Variants in EYA1 observed in about 807,000 individuals in gnomAD.
EYA1 encodes EYA transcriptional coactivator and phosphatase 1.
A neutral mutation model predicts 82.0 loss-of-function variants in EYA1; 16 were observed. That is an observed-to-expected ratio of 0.20 (90% CI 0.13 to 0.30). The LOEUF is 0.30. Among genes scored for constraint, EYA1 ranks in the 10% least tolerant of loss-of-function variants. The pLI is 1.00. For synonymous variants in EYA1, 261 were observed against 264.4 expected, an observed-to-expected ratio of 0.99 and a Z score of 0.12; for missense variants, 633 against 730.7, an observed-to-expected ratio of 0.87 and a Z score of 1.54.
chr8:71,356,468 C>G lies in EYA1; in HGVS notation c.-11G>C, dbSNP rs1826889693. On this transcript the variant is annotated 5_prime_UTR_variant, in exon 2 of 18. Coordinates refer to ENST00000340726, the MANE Select transcript of EYA1 (RefSeq NM_000503.6). ...ATATCAACAATATCCTTACCTGCAA[C>G]TTGAGGAAACAGCAACATCTGAACT... 1.3e-6 allele frequency: 2 copies of G among 1,584,832 alleles called. No individual in the cohort carries two copies. The highest frequency in any genetic ancestry group is 2.7e-5 in the African/African-American group (2 of 74,440).
At chr8:71,374,983 GC>G (rs1180100008) in intron 2 of EYA1, among the ~76,000 whole-genome samples, 1 of 152,086 alleles carries the variant, frequency 6.6e-6, no homozygotes, top group Non-Finnish European at 1.5e-5. Flanking sequence ...GTTACCAGGG[GC>G]AAGGGAGGGG....
At chr8:71,434,597 A>C (rs2129164689) in intron 2 of EYA1, among the ~76,000 whole-genome samples, 1 of 152,332 alleles carries the variant, frequency 6.6e-6, no homozygotes, top group South Asian at 2.1e-4. Flanking sequence ...GTCCTTCAAA[A>C]GTATGGCTGA....
At chr8:71,518,708 A>C (rs758490858) in intron 2 of EYA1, among the ~76,000 whole-genome samples, 1 of 152,218 alleles carries the variant, frequency 6.6e-6, no homozygotes, top group Non-Finnish European at 1.5e-5. Flanking sequence ...AACAAATCAA[A>C]AGAAATAAAA....
intron 3 of EYA1, among the ~76,000 whole-genome samples, chr8:71,345,566 T>A (rs1825603774): frequency 6.6e-6 from 1 of 152,196 alleles, no homozygotes; most frequent in African/African-American, 2.4e-5. Flanking sequence ...ATTGTGATTG[T>A]GTTTTTTTTA....
At chr8:71,251,782 C>A (rs1813773814) in intron 11 of EYA1, among the ~76,000 whole-genome samples, 1 of 152,050 alleles carries the variant, frequency 6.6e-6, no homozygotes. Flanking sequence ...TCATCATGTA[C>A]CCAAATCACC....
At chr8:71,479,383 CT>C (rs1809930347) in intron 2 of EYA1, among the ~76,000 whole-genome samples, 1 of 152,144 alleles carries the variant, frequency 6.6e-6, no homozygotes, top group African/African-American at 2.4e-5. Flanking sequence ...ATTTCCTAGT[CT>C]TCTTACTCTG....
chr8:71,496,132 TAAG>T (rs1452586034), intron 2 of EYA1, among the ~76,000 whole-genome samples: 1 of 152,228 alleles, frequency 6.6e-6, no homozygotes, highest in Admixed American at 6.5e-5. Context: ...GAATGATTTC[TAAG>T]AAGAGGTCAT....
intron 2 of EYA1, among the ~76,000 whole-genome samples, chr8:71,386,497 T>A (rs1377514629): frequency 6.6e-6 from 1 of 152,222 alleles, no homozygotes; most frequent in Non-Finnish European, 1.5e-5. Context: ...AATAATTTTT[T>A]AAACACTGTA....
intron 2 of EYA1, among the ~76,000 whole-genome samples, chr8:71,432,944 T>G (rs1285021678): frequency 6.6e-6 from 1 of 152,192 alleles, no homozygotes; most frequent in Non-Finnish European, 1.5e-5. Context: ...TATATTATTC[T>G]TTACTCTGGA....
chr8:71,535,331 A>G (rs1028062107), intron 2 of EYA1, among the ~76,000 whole-genome samples: 1 of 152,216 alleles, frequency 6.6e-6, no homozygotes. Context: ...CTAAAAACCT[A>G]TTTTGAAGAC....
At chr8:71,455,213 T>G (rs775624157) in intron 2 of EYA1, among the ~76,000 whole-genome samples, 17 of 152,134 alleles carry the variant, frequency 1.1e-4, no homozygotes, top group Non-Finnish European at 2.1e-4. Flanking sequence ...CAGGAAGAAG[T>G]TGAATCGCTG....
chr8:71,479,623 GAAA>G (rs34377404), intron 2 of EYA1, among the ~76,000 whole-genome samples: 9,329 of 100,122 alleles, frequency 0.093, 763 homozygotes, highest in African/African-American at 0.24. Context: ...CTTTCTTTAT[GAAA>G]AAAAAAAAAA....
intron 17 of EYA1, among the ~76,000 whole-genome samples, chr8:71,207,735 G>A (rs1431713483): frequency 6.6e-6 from 1 of 151,792 alleles, no homozygotes; most frequent in Admixed American, 6.6e-5. Flanking sequence ...TTCTGTAATT[G>A]CTGATTGGTT....
intron 2 of EYA1, among the ~76,000 whole-genome samples, chr8:71,418,159 T>C (rs1359538459): frequency 1.3e-5 from 2 of 152,204 alleles, no homozygotes; most frequent in African/African-American, 4.8e-5. Context: ...ATCCTCCCAC[T>C]TTCCAACTTA....
At chr8:71,261,161 T>A (rs955204698) in intron 11 of EYA1, among the ~76,000 whole-genome samples, 3 of 152,030 alleles carry the variant, frequency 2.0e-5, no homozygotes, top group African/African-American at 4.8e-5. Context: ...ATTGTTTTTT[T>A]AAAAAATAAA....
chr8:71,298,387 T>C (rs1476746153), intron 9 of EYA1, among the ~76,000 whole-genome samples: 2 of 152,190 alleles, frequency 1.3e-5, no homozygotes, highest in South Asian at 2.1e-4. Context: ...AAACGTTAAG[T>C]AAAGACCAAT....
At position 71,317,650 on chromosome 8, in the gene EYA1, G is replaced by A; in HGVS notation, c.458C>T (p.Ser153Leu). 2 of 1,613,986 alleles carry A rather than the reference G, an allele frequency of 1.2e-6. No homozygotes were observed. Among genetic ancestry groups the A allele is most frequent in the South Asian group, 2.2e-5 (2 of 91,070 alleles). Residue 153 changes from serine to leucine, a missense_variant, in exon 7 of 18, where the codon TCA (serine) becomes TTA (leucine). Physicochemically the swap from Ser to Leu is moderately radical, Grantham distance 145. Transcript: ENST00000340726. ...TGTCTGTCCAGGTGACTGAGACTGTGACAATCCACCTTCAGTCTTGATGCC... is the reference window on the plus strand; with the variant it reads ...TGTCTGTCCAGGTGACTGAGACTGTAACAATCCACCTTCAGTCTTGATGCC... The part of the protein sequence containing the change: ...WAGIKTEGGL[S>L]QSQSPGQTGF...
At chr8:71,297,825 T>G (rs1453790456) in intron 9 of EYA1, among the ~76,000 whole-genome samples, 1 of 152,198 alleles carries the variant, frequency 6.6e-6, no homozygotes, top group East Asian at 1.9e-4. Context: ...AAACTGTATG[T>G]ACACATGTAA....
intron 2 of EYA1, among the ~76,000 whole-genome samples, chr8:71,446,442 A>G (rs1330992792): frequency 5.3e-5 from 8 of 152,152 alleles, no homozygotes; most frequent in African/African-American, 1.7e-4. Context: ...CCCCCAAGCC[A>G]TGCAGAACTG....
Sources: allele counts gnomAD v4.1 joint callset (sites outside exome capture counted in the v4.1 genomes callset), GRCh38; gene constraint gnomAD v4.1.1; transcripts MANE v1.5; gene names NCBI Gene and HGNC (gene_info 2026-07-23, HGNC 2026-07-21).